PPFIBP2: variants seen among roughly 807,000 people sequenced by gnomAD.
The protein encoded by PPFIBP2 is PPFIB scaffold protein 2.
PPFIBP2 carries 118 observed loss-of-function variants against 118.3 expected under a neutral mutation model. That is an observed-to-expected ratio of 1.00 (90% CI 0.86 to 1.16). The LOEUF (loss-of-function observed/expected upper bound fraction) is 1.16, where lower values mean the gene tolerates loss of function less well. PPFIBP2 is among the 50% of genes most tolerant of loss of function. The probability of loss-of-function intolerance (pLI) is 0.00; values close to 1 mark genes in which losing one functional copy is unlikely to be tolerated. For missense variants in PPFIBP2, 1,195 were observed against 1,073.1 expected, an observed-to-expected ratio of 1.11 and a Z score of -1.59; for synonymous variants, 414 against 397.4, an observed-to-expected ratio of 1.04 and a Z score of -0.50.
At chr11:7,532,898 G>A (rs1388556212) in intron 1 of PPFIBP2, among the ~76,000 whole-genome samples, 1 of 152,238 alleles carries the variant, frequency 6.6e-6, no homozygotes, top group Non-Finnish European at 1.5e-5. Context: ...AATTCAATTA[G>A]TGTTTACCTC....
chr11:7,537,722 A>G (rs1851352961), intron 1 of PPFIBP2, among the ~76,000 whole-genome samples: 1 of 152,142 alleles, frequency 6.6e-6, no homozygotes, highest in African/African-American at 2.4e-5. Flanking sequence ...GGGCACACTG[A>G]TGGGGTTTGG....
intron 1 of PPFIBP2, chr11:7,538,144 G>A (rs929416779): frequency 4.6e-5 from 7 of 152,286 alleles, no homozygotes; most frequent in African/African-American, 1.7e-4. Context: ...GTGCTTTTGG[G>A]TGTGAGCCAT....
downstream of PPFIBP2, chr11:7,657,069 G>A (rs2136081727): frequency 3.3e-6 from 1 of 303,280 alleles, no homozygotes; most frequent in Admixed American, 4.1e-5. Context: ...CACTTTGTGG[G>A]AGGGCAGTGA....
chr11:7,593,563 G>A (rs530822505), intron 4 of PPFIBP2, among the ~76,000 whole-genome samples: 1 of 152,166 alleles, frequency 6.6e-6, no homozygotes, highest in South Asian at 2.1e-4. Flanking sequence ...TGAGTCTTGC[G>A]AGGGAGGGGA....
the PPFIBP2 span, among the ~76,000 whole-genome samples, chr11:7,662,642 C>T: frequency 6.8e-6 from 1 of 146,122 alleles, no homozygotes; most frequent in Admixed American, 6.9e-5. Flanking sequence ...TTGCTCTTCT[C>T]GAGGAGTATC....
chr11:7,632,587 AG>A (rs1333100950), intron 11 of PPFIBP2: 1 of 234,918 alleles, frequency 4.3e-6, no homozygotes, highest in East Asian at 8.3e-5. Flanking sequence ...GAGCAGAAAA[AG>A]CCCAAGAACC....
intron 8 of PPFIBP2, among the ~76,000 whole-genome samples, chr11:7,627,218 G>T (rs1160410296): frequency 6.6e-6 from 1 of 152,194 alleles, no homozygotes; most frequent in African/African-American, 2.4e-5. Flanking sequence ...TCTGACCAGT[G>T]GATCAGGGTT....
At chr11:7,526,601 G>A (rs528251312) in intron 1 of PPFIBP2, among the ~76,000 whole-genome samples, 1 of 152,300 alleles carries the variant, frequency 6.6e-6, no homozygotes, top group East Asian at 1.9e-4. Context: ...GCCGGGTGCG[G>A]TGGCTCACGC....
intron 6 of PPFIBP2, among the ~76,000 whole-genome samples, chr11:7,618,738 C>T (rs1431430918): frequency 5.3e-5 from 8 of 151,932 alleles, no homozygotes; most frequent in East Asian, 1.9e-4. Context: ...CTTGCCACCA[C>T]GCCCGGCTAA....
At chr11:7,632,695 C>CCA (rs374265641) in intron 11 of PPFIBP2, 172 bp from the exon 12 acceptor site, 15 of 561,612 alleles carry the variant, frequency 2.7e-5, no homozygotes, top group Non-Finnish European at 2.9e-5. Context: ...GATAAGCCTA[C>CCA]CACACCCCCT....
At chr11:7,543,375 G>A (rs1422666494) in intron 1 of PPFIBP2, among the ~76,000 whole-genome samples, 2 of 152,240 alleles carry the variant, frequency 1.3e-5, no homozygotes, top group Non-Finnish European at 1.5e-5. Context: ...GAAGGGAGAG[G>A]TAGGAAAGGA....
intron 1 of PPFIBP2, among the ~76,000 whole-genome samples, chr11:7,517,741 G>T (rs1343842087): frequency 6.6e-6 from 1 of 152,200 alleles, no homozygotes; most frequent in Non-Finnish European, 1.5e-5. Context: ...CACCCATGTT[G>T]ATTAAAACCA....
chr11:7,617,355 G>A (rs1848782064), intron 6 of PPFIBP2: 2 of 961,330 alleles, frequency 2.1e-6, no homozygotes, highest in African/African-American at 1.8e-5. Context: ...CTGGTGGAGG[G>A]GCTGGGGTTT....
chr11:7,602,844 G>T (rs1035849231), intron 5 of PPFIBP2, among the ~76,000 whole-genome samples: 8 of 152,132 alleles, frequency 5.3e-5, no homozygotes, highest in African/African-American at 1.9e-4. Context: ...ATGGATATGG[G>T]TTTCTATAGA....
chr11:7,597,615 A>AAG lies in PPFIBP2; in HGVS notation c.429_430dup (p.Val144GlufsTer9). 1 of 1,614,096 alleles carries AAG rather than the reference A, an allele frequency of 6.2e-7. No individual in the cohort carries two copies. Among genetic ancestry groups the AAG allele is most frequent in the Non-Finnish European group, 8.5e-7 (1 of 1,180,016 alleles). The stretch of plus-strand genomic sequence containing the variant: ...CAGGGAGAAAAGATTCGAGACCTGG[A>AAG]AGTGTGTCTGGAAGGACACCAGGTG... On this transcript the variant is annotated frameshift_variant, in exon 5 of 24. Transcript: ENST00000299492. LOFTEE classifies it high-confidence loss of function.
intron 1 of PPFIBP2, among the ~76,000 whole-genome samples, chr11:7,541,822 A>G (rs368754234): frequency 6.5e-4 from 99 of 152,218 alleles, no homozygotes; most frequent in African/African-American, 2.3e-3. Context: ...CAGACACCCC[A>G]CATTGTTGCT....
chr11:7,625,379 G>A (rs1849854658), intron 7 of PPFIBP2, among the ~76,000 whole-genome samples: 1 of 152,090 alleles, frequency 6.6e-6, no homozygotes, highest in Non-Finnish European at 1.5e-5. Context: ...GTCTCTAAAT[G>A]TTACTGTATG....
downstream of PPFIBP2, chr11:7,655,325 A>G (rs985248392): frequency 1.3e-6 from 1 of 786,508 alleles, no homozygotes; most frequent in Admixed American, 2.4e-5. Context: ...CCTCCAGAGA[A>G]GCATGCCCTG....
In PPFIBP2 at chr11:7,637,581, G is replaced by A. The variant is rs1283077202; in HGVS notation, c.1236+1988G>A. Reference sequence around the variant, plus strand: ...TGCTTCTCTGTTGTAATTTAAAGCAGCTGGATAATCAGTTCTACACTACTC... The same window carrying A: ...TGCTTCTCTGTTGTAATTTAAAGCAACTGGATAATCAGTTCTACACTACTC... On this transcript the variant is annotated intron_variant, in intron 14 of 23. Transcript: ENST00000299492. Among the ~76,000 whole-genome samples the A allele has an allele frequency of 2.0e-5, 3 of 152,204 alleles. No individual in the cohort carries two copies. The East Asian group carries it at 5.8e-4, about 29-fold the overall frequency.
Sources: gnomAD v4.1 joint callset for allele counts (sites outside exome capture counted in the v4.1 genomes callset) on GRCh38, gnomAD v4.1.1 for gene constraint, MANE v1.5 for transcripts, NCBI Gene and HGNC (gene_info 2026-07-23, HGNC 2026-07-21) for gene names.